SEC16B: variants seen among roughly 807,000 people sequenced by gnomAD.
The protein encoded by SEC16B is protein transport protein Sec16B.
Under a neutral mutation model 141.8 loss-of-function variants are expected in SEC16B, and 115 were observed. That is an observed-to-expected ratio of 0.81 (90% CI 0.70 to 0.95). The LOEUF (loss-of-function observed/expected upper bound fraction) is 0.95, where lower values mean the gene tolerates loss of function less well. Ranked by LOEUF, SEC16B falls within the 40% of genes least tolerant of loss-of-function variation. SEC16B has a pLI of 0.00. For synonymous variants in SEC16B, 493 were observed against 492.5 expected, an observed-to-expected ratio of 1.00 and a Z score of -0.01; for missense variants, 1,291 against 1,312.3, an observed-to-expected ratio of 0.98 and a Z score of 0.25.
chr1:177,952,621 TC>T (rs1355077943), intron 11 of SEC16B, among the ~76,000 whole-genome samples: 1 of 152,176 alleles, frequency 6.6e-6, no homozygotes, highest in East Asian at 1.9e-4. Flanking sequence ...TTAAGCTTAC[TC>T]AGTGAGAGGT....
chr1:177,950,507 A>G (rs983522495), intron 12 of SEC16B, among the ~76,000 whole-genome samples: 1 of 152,208 alleles, frequency 6.6e-6, no homozygotes, highest in African/African-American at 2.4e-5. Flanking sequence ...ATATGAGAAA[A>G]CAAGCACAGA....
In SEC16B at chr1:177,929,791, G is replaced by A. The variant is rs772199118; in HGVS notation, c.*67C>T. On this transcript the variant is annotated 3_prime_UTR_variant, in exon 26 of 26. Transcript: ENST00000308284. ...TCCCAATATGGTAGAGAGGGGCTGG[G>A]AGATTGAGAAAAAGAGAGCAAGAAA... 1.9e-6 allele frequency: 3 copies of A among 1,550,922 alleles called. No homozygotes were observed. The highest frequency in any genetic ancestry group is 2.7e-6 in the Non-Finnish European group (3 of 1,131,934).
Position 177,968,115 on chromosome 1 carries a change from A to T in SEC16B, c.-58-76T>A, listed in dbSNP as rs1048132011. 16 of 865,046 alleles carry T rather than the reference A, an allele frequency of 1.8e-5. No homozygotes were observed. In the Admixed American group the frequency reaches 4.4e-4, roughly 24 times the overall value. The allele number at this position is 865,046 out of a possible 1,614,324, so 53.6% of individuals were successfully genotyped here. On this transcript the variant is annotated intron_variant, in intron 1 of 25. Coordinates refer to ENST00000308284, the MANE Select transcript of SEC16B (RefSeq NM_033127.4). ...ACATAGTGGTTGATTAGGTTTTGTG[A>T]AAAGAGCAGCTATGGTCCTCGAAAT...
At chr1:177,959,025 C>A in intron 8 of SEC16B, 50 bp from the exon 9 acceptor site, 1 of 1,576,248 alleles carries the variant, frequency 6.3e-7, no homozygotes. Flanking sequence ...AGACACTTCC[C>A]TGTTTCGGAC....
Position 177,960,947 on chromosome 1 carries a change from C to T in SEC16B, c.788-8G>A. 6.6e-7 allele frequency: 1 copy of T among 1,508,112 alleles called. No homozygotes were observed. The highest frequency in any genetic ancestry group is 9.1e-7 in the Non-Finnish European group (1 of 1,095,188). The allele number at this position is 1,508,112 out of a possible 1,614,324, so 93.4% of individuals were successfully genotyped here. A position where few individuals can be genotyped will look rare whatever the true frequency, so the allele number is the denominator to read the frequency against. On this transcript the variant is annotated splice_polypyrimidine_tract_variant and splice_region_variant and intron_variant, in intron 6 of 25. Transcript: ENST00000308284. ...GACCAGCTGAGGAGACATCTTCTGA[C>T]CAACAGACACAGATGGACATTGTTA...
At chr1:177,977,684 C>G (rs1654229762) in intron 1 of SEC16B, among the ~76,000 whole-genome samples, 1 of 152,212 alleles carries the variant, frequency 6.6e-6, no homozygotes, top group Admixed American at 6.5e-5. Flanking sequence ...ATCTGCTCCT[C>G]TCTGGGTACA....
At chr1:177,975,192 T>C (rs973233809), upstream of SEC16B, among the ~76,000 whole-genome samples, 6 of 152,216 alleles carry the variant, frequency 3.9e-5, no homozygotes, top group African/African-American at 1.4e-4. Context: ...CAGCTGTTAT[T>C]GAACACCTAG....
chr1:177,931,952 G>A (rs916788829), intron 24 of SEC16B, among the ~76,000 whole-genome samples: 5 of 151,838 alleles, frequency 3.3e-5, no homozygotes, highest in East Asian at 1.9e-4. Context: ...GGCTTCCCCC[G>A]AGGAAGCTGT....
At chr1:177,957,533 A>C (rs533120970) in intron 10 of SEC16B, among the ~76,000 whole-genome samples, 1 of 152,286 alleles carries the variant, frequency 6.6e-6, no homozygotes, top group Non-Finnish European at 1.5e-5. Context: ...GTATGAGTAC[A>C]TAGTAGGTAT....
At chr1:177,955,519 G>T (rs1409265130) in intron 10 of SEC16B, among the ~76,000 whole-genome samples, 2 of 151,484 alleles carry the variant, frequency 1.3e-5, no homozygotes, top group Non-Finnish European at 2.9e-5. Flanking sequence ...GCTAATTTTT[G>T]TATTTTTTGT....
chr1:177,971,242 T>C (rs1395842464), upstream of SEC16B, among the ~76,000 whole-genome samples: 1 of 152,072 alleles, frequency 6.6e-6, no homozygotes, highest in Non-Finnish European at 1.5e-5. Context: ...CCACCACCCC[T>C]GGCTAATTTT....
At chr1:177,980,968 TTTGAG>T (rs1340190186) in intron 1 of SEC16B, among the ~76,000 whole-genome samples, 2 of 152,128 alleles carry the variant, frequency 1.3e-5, no homozygotes, top group East Asian at 3.9e-4. Flanking sequence ...CTCAATGTGG[TTTGAG>T]CTTAGAATGC....
At chr1:177,955,591 G>A (rs563969415) in intron 10 of SEC16B, among the ~76,000 whole-genome samples, 5 of 151,654 alleles carry the variant, frequency 3.3e-5, no homozygotes, top group South Asian at 4.2e-4. Flanking sequence ...CAAGTGATCC[G>A]CCCACCTCCC....
At chr1:177,952,359 C>T (rs922906845) in intron 11 of SEC16B, among the ~76,000 whole-genome samples, 2 of 152,170 alleles carry the variant, frequency 1.3e-5, no homozygotes, top group Admixed American at 6.5e-5. Flanking sequence ...TCTTCTCCAT[C>T]GGCACCCCCC....
upstream of SEC16B, among the ~76,000 whole-genome samples, chr1:177,973,684 C>T (rs1654053432): frequency 1.3e-5 from 2 of 152,116 alleles, no homozygotes; most frequent in Admixed American, 6.5e-5. Context: ...ACTATATGCC[C>T]ATCATTATCA....
At chr1:177,930,157 C>T (rs983890841) in intron 25 of SEC16B, among the ~76,000 whole-genome samples, 2 of 152,148 alleles carry the variant, frequency 1.3e-5, no homozygotes, top group African/African-American at 4.8e-5. Context: ...GCTAAGTCTA[C>T]CCAGATTGCT....
In SEC16B at chr1:177,932,756, C is replaced by T. The variant is rs1650536119; in HGVS notation, c.2874G>A (p.Leu958=). The T allele has an allele frequency of 3.1e-6, 5 of 1,611,830 alleles. No individual in the cohort carries two copies. The South Asian group carries it at 5.5e-5, about 18-fold the overall frequency. ...GAGGTGGGGACTCAGGGGAAGGTGT[C>T]AGTGAGAGGCCCAGGCCAGCCTGGT... ...SPHQAGLGLS[L]TPSPESPPLP... The change falls in exon 23 of 26, where the codon CTG becomes CTA. Residue 958 remains leucine, a synonymous_variant. Transcript: ENST00000308284.
chr1:177,960,371 C>G lies in SEC16B; in HGVS notation c.969G>C (p.Glu323Asp), dbSNP rs373900415. The G allele has an allele frequency of 2.5e-6, 4 of 1,605,458 alleles. No individual in the cohort carries two copies. In the African/African-American group the frequency reaches 5.3e-5, roughly 21 times the overall value. Residue 323 changes from glutamate (E) to aspartate (D), a missense_variant, in exon 8 of 26, where the codon GAG becomes GAC. By Grantham distance (45) the Glu-to-Asp change is conservative. This residue lies in a region of SEC16B where 681 missense variants were observed against 675.5 expected (regional missense o/e 1.01). Coordinates refer to ENST00000308284, the MANE Select transcript of SEC16B (RefSeq NM_033127.4). ...VILNDSEEQE[E>D]MRSFSGPLIR... ...TCAAGGGTCCTGAGAAACTTCTCAT[C>G]TCCTCTTGCTCTTCGGAATCATTAA...
Position 177,968,241 on chromosome 1 carries a change from C to T in SEC16B, c.-58-202G>A, listed in dbSNP as rs74130803. Among the ~76,000 whole-genome samples, 528 of 152,180 alleles carry T rather than the reference C, an allele frequency of 3.5e-3. 3 individuals are homozygous for T. Among genetic ancestry groups the T allele is most frequent in the African/African-American group, 0.012 (493 of 41,504 alleles). On this transcript the variant is annotated intron_variant, in intron 1 of 25. Transcript: ENST00000308284. ...AGACTAGACAATTATATTAATATTG[C>T]TTAAAAAATTAAAAAGTACATGTGG...
Sources: allele counts gnomAD v4.1 joint callset (sites outside exome capture counted in the v4.1 genomes callset), GRCh38; gene constraint gnomAD v4.1.1; regional missense constraint gnomAD v4.1.1; transcripts MANE v1.5; gene names NCBI Gene and HGNC (gene_info 2026-07-23, HGNC 2026-07-21).